AZIN1: variants seen among roughly 807,000 people sequenced by gnomAD.
AZIN1 encodes the protein ornithine decarboxylase antizyme inhibitor.
Under a neutral mutation model 47.4 loss-of-function variants are expected in AZIN1, and 12 were observed. The ratio of observed to expected loss-of-function variants is 0.25; its 90% confidence interval spans 0.16 to 0.41. The LOEUF (loss-of-function observed/expected upper bound fraction) is 0.41. Ranked by LOEUF, AZIN1 falls within the 10% of genes least tolerant of loss-of-function variation. The pLI is 1.00. For synonymous variants in AZIN1, 155 were observed against 176.3 expected, an observed-to-expected ratio of 0.88 and a Z score of 0.96; for missense variants, 410 against 532.4, an observed-to-expected ratio of 0.77 and a Z score of 2.26.
chr8:102,853,853 G>A lies in AZIN1; in HGVS notation c.-96+4160C>T, dbSNP rs1813084961. Among the ~76,000 whole-genome samples, 4 of 139,850 alleles carry A rather than the reference G, an allele frequency of 2.9e-5. No homozygotes were observed. In the South Asian group the frequency reaches 1.1e-3, roughly 37 times the overall value. The allele number at this position is 139,850 out of a possible 152,430, so 91.7% of individuals were successfully genotyped here. A position where few individuals can be genotyped will look rare whatever the true frequency, so the allele number is the denominator to read the frequency against. On this transcript the variant is annotated intron_variant, in intron 2 of 11. Transcript: ENST00000337198. ...CCTTAAAGTACCAAATATCATCTGT[G>A]AGAAATTAAATCGGGGGGTGGGGGG...
At chr8:102,828,777 CA>C (rs1481349461) in intron 11 of AZIN1, 99 bp from the exon 12 acceptor site, 13 of 712,626 alleles carry the variant, frequency 1.8e-5, no homozygotes, top group Non-Finnish European at 3.0e-5. Context: ...ACTAGTCTTC[CA>C]AAAACCTTTA....
intron 2 of AZIN1, among the ~76,000 whole-genome samples, chr8:102,852,182 G>T (rs1019975): frequency 0.1 from 15,958 of 152,218 alleles, 1,157 homozygotes; most frequent in Admixed American, 0.22. Flanking sequence ...CATGAGCTAA[G>T]AAGATACCAT....
At chr8:102,857,701 AT>A (rs1813383675) in intron 2 of AZIN1, among the ~76,000 whole-genome samples, 4 of 152,110 alleles carry the variant, frequency 2.6e-5, no homozygotes. Flanking sequence ...AGCAAAAATC[AT>A]TTCACTAAGT....
At chr8:102,842,097 G>GT (rs2131232467) in intron 3 of AZIN1, among the ~76,000 whole-genome samples, 1 of 151,586 alleles carries the variant, frequency 6.6e-6, no homozygotes. Flanking sequence ...GGCAACAAGA[G>GT]TGAAACTTCG....
At chr8:102,836,943 C>T (rs1186589334) in intron 5 of AZIN1, among the ~76,000 whole-genome samples, 3 of 151,810 alleles carry the variant, frequency 2.0e-5, no homozygotes, top group African/African-American at 7.3e-5. Context: ...TTCACTCTGT[C>T]GCCCAGGCTG....
intron 9 of AZIN1, 131 bp downstream of exon 9, chr8:102,832,925 C>A: frequency 1.3e-6 from 1 of 768,608 alleles, no homozygotes; most frequent in Non-Finnish European, 2.0e-6. Flanking sequence ...TAGGCGTGAG[C>A]CACCACGCCC....
In AZIN1 at chr8:102,864,089, G is replaced by A. The variant is rs940088393; in HGVS notation, c.-516C>T. On this transcript the variant is annotated 5_prime_UTR_variant, in exon 1 of 12. Transcript: ENST00000337198. The stretch of plus-strand genomic sequence containing the variant: ...ACTGCAGAGCAGCAGAGCGAGAAAG[G>A]ATGAGAAGAGGCAGAGAAGGCGACG... The A allele has an allele frequency of 5.8e-5, 10 of 173,062 alleles. 1 individual carries two copies. The highest frequency in any genetic ancestry group is 2.2e-4 in the African/African-American group (9 of 41,552). 10.7% of individuals were successfully genotyped at this position (173,062 alleles called of 1,614,324 possible).
At chr8:102,850,762 G>A (rs1223912611) in intron 2 of AZIN1, among the ~76,000 whole-genome samples, 1 of 152,144 alleles carries the variant, frequency 6.6e-6, no homozygotes, top group Non-Finnish European at 1.5e-5. Flanking sequence ...TTTTTCAGGT[G>A]ATGAGGTTGA....
chr8:102,859,964 G>A (rs1813527756), intron 1 of AZIN1, among the ~76,000 whole-genome samples: 1 of 152,220 alleles, frequency 6.6e-6, no homozygotes, highest in African/African-American at 2.4e-5. Context: ...GGGCAACACA[G>A]CAAGACCCAA....
intron 3 of AZIN1, among the ~76,000 whole-genome samples, chr8:102,842,344 C>A (rs1276914857): frequency 1.3e-5 from 2 of 150,958 alleles, no homozygotes; most frequent in African/African-American, 4.9e-5. Flanking sequence ...CTGAGGCGGG[C>A]AGATCACATG....
intron 2 of AZIN1, among the ~76,000 whole-genome samples, chr8:102,853,075 A>G (rs148489293): frequency 2.0e-5 from 3 of 152,332 alleles, no homozygotes; most frequent in African/African-American, 7.2e-5. Context: ...GTATGGGGAG[A>G]CCCAAACTGG....
At chr8:102,854,577 AAAG>A (rs1813147821) in intron 2 of AZIN1, 1 of 132,864 alleles carries the variant, frequency 7.5e-6, no homozygotes, top group Admixed American at 7.8e-5. Context: ...AGCCTGGGCG[AAAG>A]GAGGAGACTC....
Position 102,828,632 on chromosome 8 carries a change from T to A in AZIN1, c.1282A>T (p.Asn428Tyr), listed in dbSNP as rs1424873218. 6.2e-7 allele frequency: 1 copy of A among 1,611,676 alleles called. No individual in the cohort carries two copies. The highest frequency in any genetic ancestry group is 2.2e-5 in the East Asian group (1 of 44,822). ...ATGCAAGAAGGCACAAAGAAGAAGTTCTTCATCATTGAGTCTGAAGTAATT... is the reference window on the plus strand; with the variant it reads ...ATGCAAGAAGGCACAAAGAAGAAGTACTTCATCATTGAGTCTGAAGTAATT... ...AGITSDSMMK[N>Y]FFFVPSCIQL... is the part of the protein sequence containing the mutation. The change falls in exon 12 of 12, where the codon AAC becomes TAC. Residue 428 changes from asparagine to tyrosine, a missense_variant. By Grantham distance (143) the Asn-to-Tyr change is moderately radical. This residue lies in a region of AZIN1 where 168 missense variants were observed against 198.3 expected (regional missense o/e 0.85). Transcript: ENST00000337198.
Position 102,828,817 on chromosome 8 carries a change from T to C in AZIN1, c.1236-139A>G, listed in dbSNP as rs1371303336. ...GATCATCATTTTTCTATGATAGTCA[T>C]GCACTGCAGAGTGATGTTTTGGTCA... On this transcript the variant is annotated intron_variant, in intron 11 of 11. Coordinates refer to ENST00000337198, the MANE Select transcript of AZIN1 (RefSeq NM_148174.4). 1.3e-5 allele frequency: 8 copies of C among 604,444 alleles called. No individual in the cohort carries two copies. In the East Asian group the frequency reaches 1.7e-4, roughly 13 times the overall value. 37.4% of individuals were successfully genotyped at this position (604,444 alleles called of 1,614,324 possible). A position where few individuals can be genotyped will look rare whatever the true frequency, so the allele number is the denominator to read the frequency against.
chr8:102,841,801 T>TAAAAA (rs200248209), intron 3 of AZIN1, among the ~76,000 whole-genome samples: 26 of 114,944 alleles, frequency 2.3e-4, no homozygotes, highest in Non-Finnish European at 3.3e-4. Flanking sequence ...AATATATATA[T>TAAAAA]ATATAAAAAA....
intron 2 of AZIN1, among the ~76,000 whole-genome samples, chr8:102,849,036 CAGTGTAATCCCAGCACTCT>C (rs1210390255): frequency 6.6e-6 from 1 of 152,064 alleles, no homozygotes; most frequent in African/African-American, 2.4e-5. Flanking sequence ...GGGCTGGGCA[CAGTGTAATCCCAGCACTCT>C]GGGAGGCCGA....
intron 3 of AZIN1, among the ~76,000 whole-genome samples, chr8:102,842,993 G>C (rs1012807478): frequency 2.6e-5 from 4 of 152,042 alleles, no homozygotes; most frequent in Non-Finnish European, 4.4e-5. Flanking sequence ...GAGGTGGGTA[G>C]ATCACCTGAG....
At chr8:102,843,310 G>C (rs1318370388) in intron 3 of AZIN1, among the ~76,000 whole-genome samples, 2 of 152,160 alleles carry the variant, frequency 1.3e-5, no homozygotes, top group Non-Finnish European at 2.9e-5. Flanking sequence ...AACATATGTG[G>C]GTGCCAGATG....
At chr8:102,837,204 G>A (rs1241954498) in intron 5 of AZIN1, among the ~76,000 whole-genome samples, 1 of 152,182 alleles carries the variant, frequency 6.6e-6, no homozygotes, top group Non-Finnish European at 1.5e-5. Flanking sequence ...ACAGGCATGA[G>A]CTACTGCGCC....
Sources: gnomAD v4.1 joint callset for allele counts (sites outside exome capture counted in the v4.1 genomes callset) on GRCh38, gnomAD v4.1.1 for gene constraint, gnomAD v4.1.1 regional missense constraint, MANE v1.5 for transcripts, NCBI Gene and HGNC (gene_info 2026-07-23, HGNC 2026-07-21) for gene names.